SPTAN1: variants seen among roughly 807,000 people sequenced by gnomAD.
The protein encoded by SPTAN1 is spectrin alpha, non-erythrocytic 1, also known as spectrin alpha chain, non-erythrocytic 1.
In SPTAN1, 61 loss-of-function variants were observed where a neutral mutation model predicts 331.3. That is an observed-to-expected ratio of 0.18 (90% CI 0.15 to 0.23). SPTAN1 has a LOEUF of 0.23. Among genes scored for constraint, SPTAN1 ranks in the 10% least tolerant of loss-of-function variants. The probability of loss-of-function intolerance (pLI) is 1.00; values close to 1 mark genes in which losing one functional copy is unlikely to be tolerated. For missense variants in SPTAN1, 2,043 were observed against 3,147.9 expected (o/e 0.65, Z 8.40); for synonymous variants, 1,153 against 1,173.9 (o/e 0.98, Z 0.36).
In SPTAN1 at chr9:128,575,310, A is replaced by G; in HGVS notation, c.616A>G (p.Asn206Asp). 6.2e-7 allele frequency: 1 copy of G among 1,613,696 alleles called. No individual in the cohort carries two copies. Among genetic ancestry groups the G allele is most frequent in the Non-Finnish European group, 8.5e-7 (1 of 1,180,040 alleles). ...TDMAAHEERV[N>D]EVNQFAAKLI... ...TATGGCTGCTCATGAAGAAAGAGTT[A>G]ATGAAGTGAACCAGTTTGCTGCCAA... is the stretch of plus-strand genomic sequence containing the variant. The change falls in exon 5 of 57, where the codon AAT (asparagine) becomes GAT (aspartate). Residue 206 changes from asparagine to aspartate, a missense_variant. By Grantham distance (23) the Asn-to-Asp change is conservative. Transcript: ENST00000372739.
At chr9:128,598,852 A>G (rs1854664674) in intron 25 of SPTAN1, 111 bp from the exon 26 acceptor site, 3 of 1,010,388 alleles carry the variant, frequency 3.0e-6, no homozygotes, top group Non-Finnish European at 3.1e-6. Flanking sequence ...TGGCATTTCC[A>G]TTTGTCCTTT....
At position 128,567,331 on chromosome 9, in the gene SPTAN1, G is replaced by A. The variant is rs553807725; in HGVS notation, c.237+354G>A. Among the ~76,000 whole-genome samples the A allele has an allele frequency of 3.3e-5, 5 of 152,162 alleles. No individual in the cohort carries two copies. The East Asian group carries it at 5.8e-4, about 18-fold the overall frequency. On this transcript the variant is annotated intron_variant, in intron 2 of 56. Coordinates refer to ENST00000372739, the MANE Select transcript of SPTAN1 (RefSeq NM_001130438.3). ...TTTGAGGCAGAGTTGCGCTCATGTC[G>A]CCCAGGCTGGAGTGCAATGGTGTGA...
Position 128,617,968 on chromosome 9 carries a change from C to T in SPTAN1, c.5479-19C>T. ...CAGAAGAGCTACCTGCTGTTAACCT[C>T]CTCGTCCTTGCCTGTCAGGGTGTCC... On this transcript the variant is annotated intron_variant, in intron 42 of 56. Coordinates refer to ENST00000372739, the MANE Select transcript of SPTAN1 (RefSeq NM_001130438.3). The T allele has an allele frequency of 6.2e-7, 1 of 1,614,196 alleles. No individual in the cohort carries two copies. Among genetic ancestry groups the T allele is most frequent in the Non-Finnish European group, 8.5e-7 (1 of 1,180,034 alleles).
Position 128,624,373 on chromosome 9 carries a change from A to G in SPTAN1, c.5878A>G (p.Asn1960Asp). The G allele has an allele frequency of 6.2e-7, 1 of 1,614,056 alleles. No individual in the cohort carries two copies. The highest frequency in any genetic ancestry group is 8.5e-7 in the Non-Finnish European group (1 of 1,180,026). The change falls in exon 46 of 57, where the codon AAC becomes GAC. Residue 1960 changes from asparagine to aspartate, a missense_variant. Physicochemically the swap from Asn to Asp is conservative, Grantham distance 23. Around this residue, in one of 12 missense-constraint regions of SPTAN1, gnomAD observed 323 missense variants for 581.1 expected, o/e 0.56. Transcript: ENST00000372739. The stretch of plus-strand genomic sequence containing the variant: ...CATCTCTTCAAAGATGAAGGGCCTG[A>G]ACGGGAAAGTGTCAGACCTGGAGAA... ...ENISSKMKGL[N>D]GKVSDLEKAA...
chr9:128,626,201 G>A, intron 48 of SPTAN1, 190 bp from the exon 49 acceptor site: 1 of 925,556 alleles, frequency 1.1e-6, no homozygotes, highest in Non-Finnish European at 1.7e-6. Context: ...CAAGGGCAAA[G>A]GGTAGGAAGG....
At chr9:128,565,124 G>A (rs200468422) in intron 1 of SPTAN1, among the ~76,000 whole-genome samples, 1 of 152,136 alleles carries the variant, frequency 6.6e-6, no homozygotes, top group East Asian at 1.9e-4. Context: ...CCAACATGGT[G>A]AAACCCCATC....
At chr9:128,604,264 G>T (rs1855538663) in intron 28 of SPTAN1, 62 bp from the exon 29 acceptor site, 2 of 1,548,072 alleles carry the variant, frequency 1.3e-6, no homozygotes, top group Non-Finnish European at 1.8e-6. Context: ...TTTTCCCAAA[G>T]TCTGACTGGG....
intron 51 of SPTAN1, chr9:128,630,070 A>C (rs570634710): frequency 3.0e-6 from 2 of 668,224 alleles, no homozygotes; most frequent in African/African-American, 3.5e-5. Context: ...TGGCCTTGGG[A>C]GCAAGACGAG....
intron 51 of SPTAN1, 41 bp from the exon 52 acceptor site, chr9:128,630,280 C>T (rs756640376): frequency 4.3e-6 from 7 of 1,610,494 alleles, no homozygotes; most frequent in Non-Finnish European, 5.9e-6. Flanking sequence ...TCTCGGCCAG[C>T]TGGGAGCAGG....
At chr9:128,553,290 G>A (rs1038394193) in intron 1 of SPTAN1, 1 of 152,258 alleles carries the variant, frequency 6.6e-6, no homozygotes, top group South Asian at 2.1e-4. Context: ...GTCTGAGACT[G>A]GCCGTCTCCT....
At chr9:128,614,589 C>CAAAA (rs1272628247) in intron 40 of SPTAN1, among the ~76,000 whole-genome samples, 1 of 104,626 alleles carries the variant, frequency 9.6e-6, no homozygotes, top group Non-Finnish European at 2.1e-5. Context: ...GACTACGTCT[C>CAAAA]AAAAAAAAAA....
At chr9:128,632,755 C>T in intron 55 of SPTAN1, 37 bp downstream of exon 55, 3 of 1,614,022 alleles carry the variant, frequency 1.9e-6, no homozygotes, top group Middle Eastern at 1.6e-4. Context: ...GAGCCTCTGC[C>T]CGGGGCACCC....
chr9:128,581,176 T>C (rs1305901057), intron 11 of SPTAN1, 117 bp downstream of exon 11: 20 of 1,394,306 alleles, frequency 1.4e-5, no homozygotes, highest in South Asian at 2.5e-5. Flanking sequence ...TCTGAATCCA[T>C]TGAAGAGGGG....
chr9:128,594,106 G>T (rs1358310860), intron 23 of SPTAN1, 69 bp from the exon 24 acceptor site: 3 of 1,501,374 alleles, frequency 2.0e-6, no homozygotes, highest in East Asian at 4.5e-5. Context: ...CTCGTGGTTT[G>T]CCTTTATGTT....
chr9:128,617,912 C>A (rs1320306591), intron 42 of SPTAN1, 75 bp from the exon 43 acceptor site: 2 of 1,613,178 alleles, frequency 1.2e-6, no homozygotes, highest in African/African-American at 1.3e-5. Context: ...GATGTTGAGG[C>A]CTTTTCCTGG....
Position 128,632,713 on chromosome 9 carries a change from G to C in SPTAN1, c.7155G>C (p.Pro2385=), listed in dbSNP as rs200456378. The change falls in exon 55 of 57, where the codon CCG becomes CCC. Residue 2385 remains proline, a synonymous_variant. Coordinates refer to ENST00000372739, the MANE Select transcript of SPTAN1 (RefSeq NM_001130438.3). ...EFEAILDTVD[P]NRDGHVSLQE... ...AGGCAATCCTGGACACGGTGGATCC[G>C]AACAGGTAAATTAATTAAGGCCAGG... 6.2e-7 allele frequency: 1 copy of C among 1,613,988 alleles called. No homozygotes were observed. The highest frequency in any genetic ancestry group is 8.5e-7 in the Non-Finnish European group (1 of 1,180,036).
Position 128,633,640 on chromosome 9 carries a change from A to T in SPTAN1, c.*306A>T. On this transcript the variant is annotated 3_prime_UTR_variant, in exon 57 of 57. Transcript: ENST00000372739. ...CAAATCTGTTTTCATGTAAAAGACA[A>T]ATAAATGATGACTTCCCCCAAAGCT... 7.3e-7 allele frequency: 1 copy of T among 1,373,560 alleles called. No homozygotes were observed. The highest frequency in any genetic ancestry group is 1.0e-6 in the Non-Finnish European group (1 of 1,003,386). 85.1% of individuals were successfully genotyped at this position (1,373,560 alleles called of 1,614,324 possible).
Position 128,629,622 on chromosome 9 carries a change from G to A in SPTAN1, c.6708-699G>A, listed in dbSNP as rs933455909. The A allele has an allele frequency of 1.2e-5, 2 of 166,922 alleles. No homozygotes were observed. The highest frequency in any genetic ancestry group is 2.6e-5 in the Non-Finnish European group (2 of 76,696). 10.3% of individuals were successfully genotyped at this position (166,922 alleles called of 1,614,324 possible). A position where few individuals can be genotyped will look rare whatever the true frequency, so the allele number is the denominator to read the frequency against. On this transcript the variant is annotated intron_variant, in intron 51 of 56. Transcript: ENST00000372739. This position sits in a 1 kb window ranked among gnomAD's most constrained non-coding sequence, Gnocchi z 4.9. ...TTGTCTTTGTTTACTGGTAGCCTCT[G>A]TGACCTGGCACTGTGTTCTCTTGGG...
At chr9:128,590,547 T>A (rs1248574262) in intron 21 of SPTAN1, among the ~76,000 whole-genome samples, 5 of 104,178 alleles carry the variant, frequency 4.8e-5, no homozygotes, top group African/African-American at 1.2e-4. Flanking sequence ...CTATTTATAT[T>A]AAAAAAGAAA....
Sources: gnomAD v4.1 joint callset for allele counts (sites outside exome capture counted in the v4.1 genomes callset) on GRCh38, gnomAD v4.1.1 for gene constraint, gnomAD v4.1.1 regional missense constraint, Gnocchi (gnomAD v3.1) non-coding constraint, MANE v1.5 for transcripts, NCBI Gene and HGNC (gene_info 2026-07-23, HGNC 2026-07-21) for gene names.